SAR1A: variants seen among roughly 807,000 people sequenced by gnomAD.
The protein encoded by SAR1A is small COPII coat GTPase SAR1A.
A neutral mutation model predicts 22.6 loss-of-function variants in SAR1A; 6 were observed. The observed-to-expected ratio is 0.27, with a 90% CI of 0.15 to 0.52. SAR1A has a LOEUF of 0.52. Among genes scored for constraint, SAR1A ranks in the 20% least tolerant of loss-of-function variants. The pLI is 0.96. For synonymous variants in SAR1A, 70 were observed against 82.2 expected (o/e 0.85, Z 0.80); for missense variants, 145 against 245.1 (o/e 0.59, Z 2.73).
At chr10:70,168,845 A>C (rs187637818) in intron 1 of SAR1A, among the ~76,000 whole-genome samples, 2 of 151,996 alleles carry the variant, frequency 1.3e-5, no homozygotes, top group South Asian at 4.2e-4. Context: ...CCTTTTCTTA[A>C]GACAGACCAA....
intron 5 of SAR1A, chr10:70,155,185 C>T: frequency 2.1e-6 from 1 of 474,688 alleles, no homozygotes; most frequent in Admixed American, 2.3e-5. Context: ...ATAATGAATT[C>T]ACAAATAGTA....
chr10:70,155,739 T>C (rs1839379751), intron 5 of SAR1A, among the ~76,000 whole-genome samples: 1 of 152,106 alleles, frequency 6.6e-6, no homozygotes, highest in Admixed American at 6.5e-5. Flanking sequence ...ATTTTAAAAT[T>C]TGCCGACAAA....
At chr10:70,156,671 TA>T (rs34673042) in intron 5 of SAR1A, among the ~76,000 whole-genome samples, 100,847 of 135,926 alleles carry the variant, frequency 0.74, 37,806 homozygotes, top group Non-Finnish European at 0.83. Flanking sequence ...AGATTCTGTT[TA>T]AAAAAAAAAA....
At chr10:70,160,304 T>G (rs1444927383) in intron 4 of SAR1A, among the ~76,000 whole-genome samples, 1 of 151,966 alleles carries the variant, frequency 6.6e-6, no homozygotes, top group East Asian at 1.9e-4. Context: ...AAAATGGCAC[T>G]AAAGTATTAA....
intron 1 of SAR1A, among the ~76,000 whole-genome samples, chr10:70,163,497 C>A (rs1012713629): frequency 1.3e-5 from 2 of 152,186 alleles, no homozygotes; most frequent in Non-Finnish European, 2.9e-5. Flanking sequence ...GGCCAATATT[C>A]ATTTACCATT....
Position 70,147,974 on chromosome 10 carries a change from G to A in SAR1A, c.*4502C>T, listed in dbSNP as rs1253822686. ...GCTCACTGCAAACTCCGCCTCCTGG[G>A]TTCACGCTATTCTCCTGCCTCAGCC... is the stretch of plus-strand genomic sequence containing the variant. On this transcript the variant is annotated 3_prime_UTR_variant, in exon 7 of 7. Transcript: ENST00000373241. 1 of 152,280 alleles carries A rather than the reference G, an allele frequency of 6.6e-6. No individual in the cohort carries two copies. Among genetic ancestry groups the A allele is most frequent in the Non-Finnish European group, 1.5e-5 (1 of 68,076 alleles). 9.4% of individuals were successfully genotyped at this position (152,280 alleles called of 1,614,324 possible). A position where few individuals can be genotyped will look rare whatever the true frequency, so the allele number is the denominator to read the frequency against.
chr10:70,161,950 T>C lies in SAR1A; in HGVS notation c.-16-19A>G. 2 of 1,513,596 alleles carry C rather than the reference T, an allele frequency of 1.3e-6. No individual in the cohort carries two copies. The highest frequency in any genetic ancestry group is 1.1e-5 in the South Asian group (1 of 88,596). 93.8% of individuals were successfully genotyped at this position (1,513,596 alleles called of 1,614,324 possible). ...TTACTACCTGTATAAAATATGAAAG[T>C]AGCAAACATTAGCTTTCTGAATGAC... On this transcript the variant is annotated intron_variant, in intron 1 of 6. Transcript: ENST00000373241.
At chr10:70,167,713 A>G (rs541931284) in intron 1 of SAR1A, among the ~76,000 whole-genome samples, 1 of 152,312 alleles carries the variant, frequency 6.6e-6, no homozygotes, top group South Asian at 2.1e-4. Context: ...GGGCCTAATT[A>G]ATATTTATTT....
At chr10:70,160,559 C>T (rs1042195778) in intron 4 of SAR1A, among the ~76,000 whole-genome samples, 2 of 152,116 alleles carry the variant, frequency 1.3e-5, no homozygotes, top group Admixed American at 6.6e-5. Context: ...GAAATAATTA[C>T]TCTTGTTGAA....
chr10:70,165,264 CAAAAA>C (rs34191043), intron 1 of SAR1A, among the ~76,000 whole-genome samples: 2 of 92,918 alleles, frequency 2.2e-5, no homozygotes. Flanking sequence ...GACTCCGTCT[CAAAAA>C]AAAAAAAAAA....
chr10:70,165,264 C>CAAAAAAAAAAAAAAAAAAAAA (rs34191043), intron 1 of SAR1A, among the ~76,000 whole-genome samples: 1 of 92,918 alleles, frequency 1.1e-5, no homozygotes, highest in Non-Finnish European at 2.1e-5. Context: ...GACTCCGTCT[C>CAAAAAAAAAAAAAAAAAAAAA]AAAAAAAAAA....
At chr10:70,161,975 C>CAGT (rs1839473061) in intron 1 of SAR1A, 44 bp from the exon 2 acceptor site, 4 of 1,383,088 alleles carry the variant, frequency 2.9e-6, no homozygotes, top group Non-Finnish European at 4.1e-6. Context: ...TTCTGAATGA[C>CAGT]AGTACAATTG....
At chr10:70,161,482 C>T in intron 3 of SAR1A, 137 bp downstream of exon 3, 2 of 947,944 alleles carry the variant, frequency 2.1e-6, no homozygotes, top group South Asian at 3.4e-5. Flanking sequence ...CTGAGTGTGT[C>T]TTACAGGGAA....
At position 70,147,963 on chromosome 10, in the gene SAR1A, C is replaced by T. The variant is rs1839278468; in HGVS notation, c.*4513G>A. 6.6e-6 allele frequency: 1 copy of T among 152,242 alleles called. No homozygotes were observed. The highest frequency in any genetic ancestry group is 1.5e-5 in the Non-Finnish European group (1 of 68,048). 9.4% of individuals were successfully genotyped at this position (152,242 alleles called of 1,614,324 possible). Reference sequence around the variant, plus strand: ...GTGCGATCTCCGCTCACTGCAAACTCCGCCTCCTGGGTTCACGCTATTCTC... The same window carrying T: ...GTGCGATCTCCGCTCACTGCAAACTTCGCCTCCTGGGTTCACGCTATTCTC... On this transcript the variant is annotated 3_prime_UTR_variant, in exon 7 of 7. Coordinates refer to ENST00000373241, the MANE Select transcript of SAR1A (RefSeq NM_020150.5).
rs1839311987 is a variant in SAR1A, at chr10:70,150,388, CT to C, written c.*2087del. On this transcript the variant is annotated 3_prime_UTR_variant, in exon 7 of 7. Coordinates refer to ENST00000373241, the MANE Select transcript of SAR1A (RefSeq NM_020150.5). The stretch of plus-strand genomic sequence containing the variant: ...TTTGGAGCTGAGCTCCTCACAGCAG[CT>C]TCTTTCAGCTATCTTATAGGAATAG... 1 of 152,196 alleles carries C rather than the reference CT, an allele frequency of 6.6e-6. No individual in the cohort carries two copies. The highest frequency in any genetic ancestry group is 2.1e-4 in the South Asian group (1 of 4,832). 9.4% of individuals were successfully genotyped at this position (152,196 alleles called of 1,614,324 possible). A position where few individuals can be genotyped will look rare whatever the true frequency, so the allele number is the denominator to read the frequency against.
chr10:70,152,628 T>C (rs1237200287), intron 6 of SAR1A, 36 bp from the exon 7 acceptor site: 1 of 1,332,272 alleles, frequency 7.5e-7, no homozygotes, highest in East Asian at 2.3e-5. Flanking sequence ...CCTGTTAGCA[T>C]CTCTGTGGTG....
chr10:70,157,788 G>A lies in SAR1A; in HGVS notation c.324C>T (p.Leu108=), dbSNP rs373617236. 2 of 1,613,200 alleles carry A rather than the reference G, an allele frequency of 1.2e-6. No individual in the cohort carries two copies. Among genetic ancestry groups the A allele is most frequent in the East Asian group, 2.2e-5 (1 of 44,880 alleles). ...CATTAAGCTCAACTTTGGATTCCAC[G>A]AGGCGAGAATGATCTGCACAGTCCA... ...FLVDCADHSR[L]VESKVELNAL... Residue 108 remains leucine, a synonymous_variant, in exon 5 of 7, where the codon CTC becomes CTT. Transcript: ENST00000373241.
At chr10:70,163,715 G>A (rs1162747589) in intron 1 of SAR1A, 3 of 809,652 alleles carry the variant, frequency 3.7e-6, no homozygotes, top group Non-Finnish European at 6.6e-6. Flanking sequence ...GGAGCAGATT[G>A]TAGAATTCAA....
Position 70,153,924 on chromosome 10 carries a change from A to G in SAR1A, c.394T>C (p.Leu132=). ...ETISNVPILI[L]GNKIDRTDAI... ...TCTGTTCTGTCAATTTTGTTACCCA[A>G]GATAAGGATTGGCACATTGGATATT... Residue 132 remains leucine, a synonymous_variant, in exon 6 of 7, where the codon TTG becomes CTG. Transcript: ENST00000373241. 1 of 1,608,080 alleles carries G rather than the reference A, an allele frequency of 6.2e-7. No individual in the cohort carries two copies. The highest frequency in any genetic ancestry group is 2.2e-5 in the East Asian group (1 of 44,612).
Sources: gnomAD v4.1 joint callset for allele counts (sites outside exome capture counted in the v4.1 genomes callset) on GRCh38, gnomAD v4.1.1 for gene constraint, MANE v1.5 for transcripts, NCBI Gene and HGNC (gene_info 2026-07-23, HGNC 2026-07-21) for gene names.